NUFIP2: variants seen among roughly 807,000 people sequenced by gnomAD.
The protein encoded by NUFIP2 is FMR1-interacting protein NUFIP2.
A neutral mutation model predicts 56.9 loss-of-function variants in NUFIP2; 6 were observed. That is an observed-to-expected ratio of 0.11 (90% CI 0.06 to 0.21). The LOEUF (loss-of-function observed/expected upper bound fraction) is 0.21, where lower values mean the gene tolerates loss of function less well. NUFIP2 is among the 10% of genes least tolerant of loss of function. The pLI is 1.00. For missense variants in NUFIP2, 828 were observed against 826.8 expected (o/e 1.00, Z -0.02); for synonymous variants, 321 against 298.2 (o/e 1.08, Z -0.79).
intron 3 of NUFIP2, among the ~76,000 whole-genome samples, chr17:29,265,366 G>T (rs1284406657): frequency 6.9e-6 from 1 of 144,072 alleles, no homozygotes; most frequent in Non-Finnish European, 1.5e-5. Flanking sequence ...GCAGTGGCGC[G>T]ATCTCGGCTC....
At chr17:29,285,177 G>C (rs945619150) in intron 2 of NUFIP2, among the ~76,000 whole-genome samples, 1 of 152,136 alleles carries the variant, frequency 6.6e-6, no homozygotes, top group Non-Finnish European at 1.5e-5. Flanking sequence ...GCGCATGGCT[G>C]TAATCCCAGC....
Position 29,286,308 on chromosome 17 carries a change from G to A in NUFIP2, c.1686C>T (p.Pro562=). The A allele has an allele frequency of 6.2e-7, 1 of 1,614,092 alleles. No homozygotes were observed. Among genetic ancestry groups the A allele is most frequent in the Non-Finnish European group, 8.5e-7 (1 of 1,180,018 alleles). The change falls in exon 2 of 4, where the codon CCC becomes CCT. Residue 562 remains proline (P), a synonymous_variant. Coordinates refer to ENST00000225388, the MANE Select transcript of NUFIP2 (RefSeq NM_020772.3). The part of the protein sequence containing the change: ...IPSGTEHPVF[P]KAYELEKRTS... The stretch of plus-strand genomic sequence containing the variant: ...TCCGTTTCTCCAGCTCGTAAGCCTT[G>A]GGAAACACAGGATGCTCAGTTCCTG...
At chr17:29,267,388 CAAAATA>C in intron 3 of NUFIP2, 104 bp downstream of exon 3, 1 of 644,582 alleles carries the variant, frequency 1.6e-6, no homozygotes, top group South Asian at 1.9e-5. Flanking sequence ...TTAAATAACT[CAAAATA>C]CAAAGTCTAT....
chr17:29,292,399 G>A (rs1340830125), intron 1 of NUFIP2, among the ~76,000 whole-genome samples: 1 of 150,294 alleles, frequency 6.7e-6, no homozygotes, highest in Non-Finnish European at 1.5e-5. Flanking sequence ...ATGGAACAAG[G>A]TTTTTGGATT....
At chr17:29,293,743 A>ACCCCCCAC in intron 1 of NUFIP2, 40 bp downstream of exon 1, 4 of 701,634 alleles carry the variant, frequency 5.7e-6, no homozygotes, top group Non-Finnish European at 8.4e-6. Flanking sequence ...CCTGTCCTCC[A>ACCCCCCAC]CCCCCAACCC....
chr17:29,264,947 A>G (rs1464791950), intron 3 of NUFIP2, among the ~76,000 whole-genome samples: 1 of 152,232 alleles, frequency 6.6e-6, no homozygotes, highest in Non-Finnish European at 1.5e-5. Flanking sequence ...CAATAATCCA[A>G]TATTAAAAGA....
intron 2 of NUFIP2, among the ~76,000 whole-genome samples, chr17:29,276,332 C>T (rs185976750): frequency 2.6e-5 from 4 of 152,206 alleles, no homozygotes; most frequent in East Asian, 3.9e-4. Flanking sequence ...CACTTCTTTT[C>T]GGAATCCTGA....
chr17:29,264,815 C>G (rs2069024897), intron 3 of NUFIP2, among the ~76,000 whole-genome samples: 1 of 152,108 alleles, frequency 6.6e-6, no homozygotes, highest in Non-Finnish European at 1.5e-5. Context: ...GTCCTCTAGC[C>G]AGTGAGGGCC....
chr17:29,276,774 C>T (rs1242038951), intron 2 of NUFIP2, among the ~76,000 whole-genome samples: 1 of 152,174 alleles, frequency 6.6e-6, no homozygotes, highest in Non-Finnish European at 1.5e-5. Flanking sequence ...CTGATTTGAA[C>T]AAATACTATT....
chr17:29,292,477 A>G (rs1229081293), intron 1 of NUFIP2, among the ~76,000 whole-genome samples: 1 of 149,798 alleles, frequency 6.7e-6, no homozygotes, highest in Non-Finnish European at 1.5e-5. Flanking sequence ...TCAGAGGCGG[A>G]GTCGTGAGCG....
At position 29,286,725 on chromosome 17, in the gene NUFIP2, A is replaced by G; in HGVS notation, c.1269T>C (p.Thr423=). 1.2e-6 allele frequency: 2 copies of G among 1,614,156 alleles called. No individual in the cohort carries two copies. The highest frequency in any genetic ancestry group is 1.1e-5 in the South Asian group (1 of 91,086). The change falls in exon 2 of 4, where the codon ACT becomes ACC. Residue 423 remains threonine (T), a synonymous_variant. Coordinates refer to ENST00000225388, the MANE Select transcript of NUFIP2 (RefSeq NM_020772.3). Reference sequence around the variant, plus strand: ...CCCCTGGAGGATAAACATTTCCATCAGTCCCTGCTAAAACAGGCCCATTAG... The same window carrying G: ...CCCCTGGAGGATAAACATTTCCATCGGTCCCTGCTAAAACAGGCCCATTAG... The part of the protein sequence containing the change: ...NFSNGPVLAG[T]DGNVYPPGGQ...
At chr17:29,276,684 G>A (rs866246540) in intron 2 of NUFIP2, among the ~76,000 whole-genome samples, 4 of 152,224 alleles carry the variant, frequency 2.6e-5, no homozygotes, top group Middle Eastern at 3.4e-3. Flanking sequence ...ATTAGACCAA[G>A]TTTCTTAATG....
intron 1 of NUFIP2, among the ~76,000 whole-genome samples, chr17:29,291,728 C>G (rs2069214764): frequency 6.6e-6 from 1 of 152,192 alleles, no homozygotes; most frequent in African/African-American, 2.4e-5. Flanking sequence ...GTAGTATTTT[C>G]TCATCTTTTG....
intron 3 of NUFIP2, among the ~76,000 whole-genome samples, chr17:29,264,973 C>A (rs939140815): frequency 1.3e-5 from 2 of 152,320 alleles, no homozygotes; most frequent in Middle Eastern, 3.4e-3. Context: ...TTGGATTTTT[C>A]TTTTGCTGTT....
intron 2 of NUFIP2, among the ~76,000 whole-genome samples, chr17:29,268,760 C>A (rs1476128595): frequency 6.6e-6 from 1 of 151,926 alleles, no homozygotes; most frequent in Non-Finnish European, 1.5e-5. Context: ...AACTCCCAAC[C>A]TCAAGTGATC....
At chr17:29,273,106 C>A (rs957801335) in intron 2 of NUFIP2, among the ~76,000 whole-genome samples, 1 of 150,468 alleles carries the variant, frequency 6.6e-6, no homozygotes, top group African/African-American at 2.5e-5. Context: ...ATGGTGAGAT[C>A]TCGGCTCACT....
Position 29,260,460 on chromosome 17 carries a change from C to A in NUFIP2, c.*4079G>T, listed in dbSNP as rs1327661838. 1.3e-5 allele frequency: 2 copies of A among 152,196 alleles called. No individual in the cohort carries two copies. Among genetic ancestry groups the A allele is most frequent in the African/African-American group, 4.8e-5 (2 of 41,442 alleles). The allele number at this position is 152,196 out of a possible 1,614,324, so 9.4% of individuals were successfully genotyped here. ...TGGAAATTGGACTTTTAATCTATTT[C>A]TCTGAAGAGAGCCTTGTAGGAATGA... On this transcript the variant is annotated 3_prime_UTR_variant, in exon 4 of 4. Coordinates refer to ENST00000225388, the MANE Select transcript of NUFIP2 (RefSeq NM_020772.3).
rs891248294 is a variant in NUFIP2 at position 29,269,783 on chromosome 17, C to T, written c.2003-2253G>A. On this transcript the variant is annotated intron_variant, in intron 2 of 3. Coordinates refer to ENST00000225388, the MANE Select transcript of NUFIP2 (RefSeq NM_020772.3). The stretch of plus-strand genomic sequence containing the variant: ...TCGCCCAGGCTGGAGTACAGTGGCG[C>T]GATCTCAGCTCACTGCAAGCTCCGC... Among the ~76,000 whole-genome samples, 7 of 152,102 alleles carry T rather than the reference C, an allele frequency of 4.6e-5. No homozygotes were observed. In the South Asian group the frequency reaches 8.3e-4, roughly 18 times the overall value.
chr17:29,266,851 T>TGGTATG (rs2069040178), intron 3 of NUFIP2, among the ~76,000 whole-genome samples: 1 of 151,926 alleles, frequency 6.6e-6, no homozygotes, highest in South Asian at 2.1e-4. Context: ...TCGCCAGTCC[T>TGGTATG]GGTATGGTAG....
Sources: allele counts gnomAD v4.1 joint callset (sites outside exome capture counted in the v4.1 genomes callset), GRCh38; gene constraint gnomAD v4.1.1; transcripts MANE v1.5; gene names NCBI Gene and HGNC (gene_info 2026-07-23, HGNC 2026-07-21).